OR2L13: variants seen among roughly 807,000 people sequenced by gnomAD.
OR2L13 encodes the protein olfactory receptor family 2 subfamily L member 13, also known as olfactory receptor 2L13.
Under a neutral mutation model 15.3 loss-of-function variants are expected in OR2L13, and 14 were observed. That is an observed-to-expected ratio of 0.91 (90% CI 0.60 to 1.43). OR2L13 has a LOEUF of 1.43. Ranked by LOEUF, OR2L13 falls within the 40% of genes most tolerant of loss-of-function variation. The pLI, the probability that OR2L13 is intolerant of heterozygous loss-of-function variation, is 0.00. For synonymous variants in OR2L13, 152 were observed against 142.9 expected, an observed-to-expected ratio of 1.06 and a Z score of -0.45; for missense variants, 367 against 387.9, an observed-to-expected ratio of 0.95 and a Z score of 0.45.
At chr1:248,084,712 G>A in the OR2L13 span, 4 of 1,446,334 alleles carry the variant, frequency 2.8e-6, no homozygotes, top group Admixed American at 2.3e-5. Flanking sequence ...AAATGTCATG[G>A]TTTGAATATT....
At chr1:248,071,860 G>A in the OR2L13 span, among the ~76,000 whole-genome samples, 20 of 151,108 alleles carry the variant, frequency 1.3e-4, no homozygotes, top group Admixed American at 1.1e-3. Context: ...CAAATCATGA[G>A]TGAACTCCCA....
At chr1:248,042,722 A>T in the OR2L13 span, among the ~76,000 whole-genome samples, 1 of 152,124 alleles carries the variant, frequency 6.6e-6, no homozygotes, top group Non-Finnish European at 1.5e-5. Flanking sequence ...TATAAAATTA[A>T]TCATAATATT....
chr1:248,021,925 A>G, the OR2L13 span: 15 of 1,583,862 alleles, frequency 9.5e-6, no homozygotes, highest in Non-Finnish European at 1.3e-5. Context: ...GTCTCCCTTC[A>G]GGAAGGATCG....
the OR2L13 span, among the ~76,000 whole-genome samples, chr1:248,079,414 A>T: frequency 1.3e-5 from 2 of 152,190 alleles, no homozygotes; most frequent in Non-Finnish European, 2.9e-5. Flanking sequence ...GAATTTAAAA[A>T]TTTCAGCATT....
At chr1:248,093,220 C>T (rs150586252), upstream of OR2L13, among the ~76,000 whole-genome samples, 82 of 152,208 alleles carry the variant, frequency 5.4e-4, no homozygotes, top group Non-Finnish European at 9.6e-4. Flanking sequence ...CAGGAGGAGG[C>T]ATGGATCACT....
At chr1:248,092,984 T>A (rs1325949708), upstream of OR2L13, among the ~76,000 whole-genome samples, 1 of 152,122 alleles carries the variant, frequency 6.6e-6, no homozygotes, top group African/African-American at 2.4e-5. Context: ...AAGGAGATGC[T>A]GAGAGGGGCT....
the OR2L13 span, among the ~76,000 whole-genome samples, chr1:247,989,068 C>T: frequency 3.3e-5 from 5 of 151,992 alleles, no homozygotes; most frequent in Non-Finnish European, 5.9e-5. Flanking sequence ...TATAGATATT[C>T]AGATGGGGGT....
At chr1:248,021,877 C>T in the OR2L13 span, 1 of 1,251,842 alleles carries the variant, frequency 8.0e-7, no homozygotes, top group Non-Finnish European at 1.1e-6. Flanking sequence ...GCAACCCCTG[C>T]AGATAATGGG....
the OR2L13 span, among the ~76,000 whole-genome samples, chr1:248,067,848 A>G: frequency 8.5e-5 from 13 of 152,120 alleles, no homozygotes; most frequent in Non-Finnish European, 1.6e-4. Context: ...GTTATATCCC[A>G]CACCTGGCTC....
At chr1:248,024,920 G>A in the OR2L13 span, among the ~76,000 whole-genome samples, 1 of 152,122 alleles carries the variant, frequency 6.6e-6, no homozygotes, top group African/African-American at 2.4e-5. Flanking sequence ...GAACTTTAAG[G>A]TAGTTTTTTC....
chr1:248,048,991 A>G, the OR2L13 span, among the ~76,000 whole-genome samples: 1 of 150,412 alleles, frequency 6.6e-6, no homozygotes, highest in Non-Finnish European at 1.5e-5. Flanking sequence ...AACTTTAAGG[A>G]GACCAGCCTT....
chr1:247,997,113 T>A, the OR2L13 span: 1 of 152,136 alleles, frequency 6.6e-6, no homozygotes, highest in South Asian at 2.1e-4. Flanking sequence ...AAAATAAATA[T>A]AAATAAAAAT....
At chr1:248,061,512 C>T in the OR2L13 span, 5 of 1,613,790 alleles carry the variant, frequency 3.1e-6, no homozygotes, top group Admixed American at 1.7e-5. Context: ...CTGTCTTCTA[C>T]ACCACCCTCA....
At chr1:247,993,803 G>GAGAGAGAGAGAGAGAA in the OR2L13 span, among the ~76,000 whole-genome samples, 1 of 132,430 alleles carries the variant, frequency 7.6e-6, no homozygotes, top group African/African-American at 3.8e-5. Flanking sequence ...GAGAGAGAGA[G>GAGAGAGAGAGAGAGAA]AGAGAGAGAA....
At chr1:248,011,040 A>G in the OR2L13 span, among the ~76,000 whole-genome samples, 7 of 151,932 alleles carry the variant, frequency 4.6e-5, no homozygotes, top group Non-Finnish European at 8.8e-5. Context: ...CAGTTTCTTC[A>G]TAGTGTCGAT....
the OR2L13 span, among the ~76,000 whole-genome samples, chr1:247,967,195 ATTTC>A: frequency 1.3e-5 from 2 of 151,610 alleles, no homozygotes; most frequent in East Asian, 1.9e-4. Flanking sequence ...TCATCCATTC[ATTTC>A]TTTCTTTCTT....
the OR2L13 span, chr1:248,023,120 G>A: frequency 2.7e-6 from 1 of 367,016 alleles, no homozygotes; most frequent in Non-Finnish European, 4.9e-6. Context: ...AAATTGTAAG[G>A]CCATAGAATT....
the OR2L13 span, among the ~76,000 whole-genome samples, chr1:247,993,805 G>GAGAGAA: frequency 1.5e-5 from 2 of 135,168 alleles, no homozygotes; most frequent in Non-Finnish European, 3.0e-5. Context: ...GAGAGAGAGA[G>GAGAGAA]AGAGAGAAAG....
At chr1:248,081,597 T>G in the OR2L13 span, among the ~76,000 whole-genome samples, 1 of 152,208 alleles carries the variant, frequency 6.6e-6, no homozygotes, top group South Asian at 2.1e-4. Context: ...TCATTCATTC[T>G]AAGAGAAGAT....
Sources: gnomAD v4.1 joint callset for allele counts (sites outside exome capture counted in the v4.1 genomes callset) on GRCh38, gnomAD v4.1.1 for gene constraint, MANE v1.5 for transcripts, NCBI Gene and HGNC (gene_info 2026-07-23, HGNC 2026-07-21) for gene names.